Variants in GABRA5 observed in about 807,000 individuals in gnomAD.
GABRA5 encodes gamma-aminobutyric acid type A receptor subunit alpha5.
In GABRA5, 18 loss-of-function variants were observed where a neutral mutation model predicts 47.3. That is an observed-to-expected ratio of 0.38 (90% CI 0.26 to 0.56). The LOEUF (loss-of-function observed/expected upper bound fraction) is 0.56. GABRA5 is among the 20% of genes least tolerant of loss of function. GABRA5 has a pLI of 0.71. For missense variants in GABRA5, 365 were observed against 599.3 expected (o/e 0.61, Z 4.08); for synonymous variants, 237 against 229.3 (o/e 1.03, Z -0.30).
chr15:26,944,444 G>C (rs948795729), intron 10 of GABRA5, among the ~76,000 whole-genome samples: 3 of 152,236 alleles, frequency 2.0e-5, no homozygotes, highest in Non-Finnish European at 4.4e-5. Flanking sequence ...CTAGCTCCCA[G>C]GTTGGAGGAA....
At chr15:26,932,435 G>T (rs1263071034) in intron 7 of GABRA5, among the ~76,000 whole-genome samples, 1 of 152,212 alleles carries the variant, frequency 6.6e-6, no homozygotes, top group Non-Finnish European at 1.5e-5. Flanking sequence ...ACACCAGTCA[G>T]AATGGTGATT....
At chr15:26,866,865 C>T (rs988116764), upstream of GABRA5, 1 of 152,330 alleles carries the variant, frequency 6.6e-6, no homozygotes, top group African/African-American at 2.4e-5. Context: ...ACACTGCCCT[C>T]CCATCCCTGC....
At chr15:26,877,022 AG>A (rs1259111785) in intron 3 of GABRA5, among the ~76,000 whole-genome samples, 3 of 152,196 alleles carry the variant, frequency 2.0e-5, no homozygotes, top group Admixed American at 1.3e-4. Flanking sequence ...AGCAGTGCCA[AG>A]GGCAAGAATG....
chr15:26,911,371 G>GCACACACACACA (rs111798012), intron 6 of GABRA5, among the ~76,000 whole-genome samples: 107 of 118,406 alleles, frequency 9.0e-4, no homozygotes, highest in East Asian at 2.5e-3. Flanking sequence ...CTTGCTGCAT[G>GCACACACACACA]CACACACACA....
At chr15:26,947,817 CCT>C in intron 10 of GABRA5, 115 bp from the exon 11 acceptor site, 2 of 873,328 alleles carry the variant, frequency 2.3e-6, no homozygotes, top group Non-Finnish European at 3.5e-6. Flanking sequence ...GGAGGAGGGC[CCT>C]CTCCCAGGCT....
chr15:26,947,746 C>T (rs1277232388), intron 10 of GABRA5, among the ~76,000 whole-genome samples, 188 bp from the exon 11 acceptor site: 2 of 152,200 alleles, frequency 1.3e-5, no homozygotes, highest in Non-Finnish European at 2.9e-5. Flanking sequence ...GATTGCCAGA[C>T]TTTAATAGCA....
chr15:26,901,287 C>T (rs1174949731), intron 6 of GABRA5, among the ~76,000 whole-genome samples: 1 of 152,176 alleles, frequency 6.6e-6, no homozygotes, highest in Admixed American at 6.5e-5. Context: ...AGTTAATGAG[C>T]AAGTTTCTCT....
chr15:26,897,353 A>G (rs1893222756), intron 6 of GABRA5, among the ~76,000 whole-genome samples: 1 of 152,262 alleles, frequency 6.6e-6, no homozygotes, highest in Middle Eastern at 3.4e-3. Context: ...CAGAAGGAAG[A>G]CCATGCGAGG....
intron 4 of GABRA5, among the ~76,000 whole-genome samples, chr15:26,882,727 A>C (rs1285677021): frequency 6.6e-6 from 1 of 151,922 alleles, no homozygotes; most frequent in Non-Finnish European, 1.5e-5. Context: ...TCCTGCTTTG[A>C]TTGGAAAGTC....
intron 9 of GABRA5, among the ~76,000 whole-genome samples, chr15:26,941,537 C>T (rs564765368): frequency 6.6e-6 from 1 of 152,248 alleles, no homozygotes; most frequent in African/African-American, 2.4e-5. Flanking sequence ...TGAAGGATGG[C>T]ATTGAATGAA....
chr15:26,884,628 T>A (rs1892828635), intron 6 of GABRA5, among the ~76,000 whole-genome samples: 1 of 152,188 alleles, frequency 6.6e-6, no homozygotes, highest in Non-Finnish European at 1.5e-5. Flanking sequence ...GATGCTCTCA[T>A]CTTTGGAGGA....
intron 7 of GABRA5, among the ~76,000 whole-genome samples, chr15:26,931,645 G>A (rs940289348): frequency 6.6e-6 from 1 of 152,176 alleles, no homozygotes; most frequent in African/African-American, 2.4e-5. Flanking sequence ...GGCACTTTTG[G>A]AAAATTGGGT....
rs149196874 is a variant in GABRA5 at position 26,877,587 on chromosome 15, A to C, written c.87-3259A>C. On this transcript the variant is annotated intron_variant, in intron 3 of 10. Coordinates refer to ENST00000335625, the MANE Select transcript of GABRA5 (RefSeq NM_000810.4). ...GTATGTAAGTCAGAAGTGGTCATCCATATAAGAGAAGCACGTCACACACTG... is the reference window on the plus strand; with the variant it reads ...GTATGTAAGTCAGAAGTGGTCATCCCTATAAGAGAAGCACGTCACACACTG... 3.8e-3 allele frequency: 1,670 copies of C among 440,128 alleles called. 3 individuals carry two copies. The highest frequency in any genetic ancestry group is 5.4e-3 in the Non-Finnish European group (1,192 of 221,258). The allele number at this position is 440,128 out of a possible 1,614,324, so 27.3% of individuals were successfully genotyped here.
chr15:26,868,673 A>G (rs1595388763), intron 1 of GABRA5, 56 bp from the exon 2 acceptor site: 1 of 153,788 alleles, frequency 6.5e-6, no homozygotes, highest in Admixed American at 6.4e-5. Context: ...GTGATCCTGC[A>G]GAAAACCTGT....
At chr15:26,906,167 T>G (rs989882991) in intron 6 of GABRA5, among the ~76,000 whole-genome samples, 2 of 152,174 alleles carry the variant, frequency 1.3e-5, no homozygotes, top group African/African-American at 4.8e-5. Context: ...TATTGTTGTT[T>G]GCTTGTTTGG....
chr15:26,893,158 G>C (rs557145768), intron 6 of GABRA5, among the ~76,000 whole-genome samples: 5 of 128,814 alleles, frequency 3.9e-5, no homozygotes, highest in Non-Finnish European at 6.9e-5. Context: ...TGTGTGGCGT[G>C]TGTGGGGTGT....
At chr15:26,914,668 G>A (rs1893679082) in intron 6 of GABRA5, 135 bp from the exon 7 acceptor site, 2 of 658,700 alleles carry the variant, frequency 3.0e-6, no homozygotes, top group East Asian at 2.8e-5. Flanking sequence ...TAATTTGGTG[G>A]GGATAGTTCA....
At chr15:26,903,299 A>G (rs970472034) in intron 6 of GABRA5, among the ~76,000 whole-genome samples, 1 of 152,074 alleles carries the variant, frequency 6.6e-6, no homozygotes, top group Non-Finnish European at 1.5e-5. Flanking sequence ...CTTCTTTTTT[A>G]TGGCTGCATA....
At chr15:26,923,340 T>C (rs6606872) in intron 7 of GABRA5, among the ~76,000 whole-genome samples, 76,711 of 151,968 alleles carry the variant, frequency 0.5, 20,327 homozygotes, top group African/African-American at 0.66. Flanking sequence ...GACTTCTGCC[T>C]TTGATTACTG....
Sources: allele counts gnomAD v4.1 joint callset (sites outside exome capture counted in the v4.1 genomes callset), GRCh38; gene constraint gnomAD v4.1.1; transcripts MANE v1.5; gene names NCBI Gene and HGNC (gene_info 2026-07-23, HGNC 2026-07-21).